ILRUN: variants seen among roughly 807,000 people sequenced by gnomAD.
The protein encoded by ILRUN is inflammation and lipid regulator with UBA-like and NBR1-like domains.
In ILRUN, 3 loss-of-function variants were observed where a neutral mutation model predicts 33.8. The observed-to-expected ratio is 0.09, with a 90% CI of 0.04 to 0.23. The LOEUF is 0.23. ILRUN is among the 10% of genes least tolerant of loss of function. The pLI, the probability that ILRUN is intolerant of heterozygous loss-of-function variation, is 1.00. For missense variants in ILRUN, 210 were observed against 375.1 expected (o/e 0.56, Z 3.64); for synonymous variants, 124 against 138.9 (o/e 0.89, Z 0.75).
chr6:34,683,431 T>TATATATATACATATATATACAC (rs1562032863), intron 1 of ILRUN, among the ~76,000 whole-genome samples: 1 of 46,418 alleles, frequency 2.2e-5, no homozygotes, highest in Non-Finnish European at 3.6e-5. Context: ...TATATATACA[T>TATATATATACATATATATACAC]ATATATATAC....
chr6:34,693,114 G>A (rs1349787378), intron 1 of ILRUN, among the ~76,000 whole-genome samples: 1 of 151,552 alleles, frequency 6.6e-6, no homozygotes, highest in African/African-American at 2.4e-5. Flanking sequence ...GATGAATTAG[G>A]TAAACATAGG....
rs965369614 is a variant in ILRUN, at chr6:34,669,147, A to G, written c.159-14368T>C. Among the ~76,000 whole-genome samples, 3 of 151,136 alleles carry G rather than the reference A, an allele frequency of 2.0e-5. No homozygotes were observed. In the East Asian group the frequency reaches 5.8e-4, roughly 29 times the overall value. On this transcript the variant is annotated intron_variant, in intron 1 of 4. Transcript: ENST00000374023. Reference sequence around the variant, plus strand: ...AGCATGAGTCTTTTGTTTTTATGAGACAGTCTCATTCTGTTGCCCAGGCTG... The same window carrying G: ...AGCATGAGTCTTTTGTTTTTATGAGGCAGTCTCATTCTGTTGCCCAGGCTG...
chr6:34,663,402 G>A (rs112430117), intron 1 of ILRUN, among the ~76,000 whole-genome samples: 4,706 of 152,246 alleles, frequency 0.031, 197 homozygotes, highest in African/African-American at 0.09. Context: ...CAGCCTGGGT[G>A]ACAGAATGAG....
Position 34,590,471 on chromosome 6 carries a change from C to A in ILRUN, c.*94G>T. 1.3e-6 allele frequency: 2 copies of A among 1,582,732 alleles called. No homozygotes were observed. Among genetic ancestry groups the A allele is most frequent in the Non-Finnish European group, 8.6e-7 (1 of 1,158,408 alleles). On this transcript the variant is annotated 3_prime_UTR_variant, in exon 5 of 5. Transcript: ENST00000374023. ...AGGGGGTCAGAGCCAGGGGTCTGTG[C>A]GATGTGGTCTGCAATCCAGAGGAAC...
intron 3 of ILRUN, among the ~76,000 whole-genome samples, chr6:34,644,251 T>C (rs1162558512): frequency 6.6e-6 from 1 of 152,182 alleles, no homozygotes; most frequent in East Asian, 1.9e-4. Context: ...TTTTAAGTCA[T>C]GTATATTGTC....
At chr6:34,648,821 GATA>G (rs1197642083) in intron 2 of ILRUN, among the ~76,000 whole-genome samples, 1 of 152,130 alleles carries the variant, frequency 6.6e-6, no homozygotes, top group East Asian at 1.9e-4. Context: ...CCTGCAACAA[GATA>G]ATGTCTGTTT....
intron 4 of ILRUN, among the ~76,000 whole-genome samples, chr6:34,599,699 T>A (rs1469393503): frequency 6.6e-6 from 1 of 152,146 alleles, no homozygotes; most frequent in African/African-American, 2.4e-5. Flanking sequence ...CAAATTTATA[T>A]CTCCACCTAG....
chr6:34,625,460 C>G (rs116522670), intron 3 of ILRUN, among the ~76,000 whole-genome samples: 202 of 152,314 alleles, frequency 1.3e-3, no homozygotes, highest in African/African-American at 4.6e-3. Flanking sequence ...TCGCCCACAT[C>G]TGATGTGCAG....
At chr6:34,598,983 T>C (rs1761455775) in intron 4 of ILRUN, among the ~76,000 whole-genome samples, 1 of 152,222 alleles carries the variant, frequency 6.6e-6, no homozygotes, top group Admixed American at 6.5e-5. Context: ...TGCTCTGTGT[T>C]GCTTCTTACC....
chr6:34,659,618 C>CTTTTTTTT (rs985939505), intron 1 of ILRUN, among the ~76,000 whole-genome samples: 1 of 91,478 alleles, frequency 1.1e-5, no homozygotes, highest in Non-Finnish European at 2.0e-5. Flanking sequence ...ATAAGGCAGT[C>CTTTTTTTT]TTTTTTTTTT....
intron 1 of ILRUN, among the ~76,000 whole-genome samples, chr6:34,671,563 A>G (rs1763118831): frequency 6.6e-6 from 1 of 152,246 alleles, no homozygotes; most frequent in African/African-American, 2.4e-5. Flanking sequence ...CAACTGGCAT[A>G]CCAAAATGTT....
rs1048571192 is a variant in ILRUN at position 34,588,304 on chromosome 6, C to T, written c.*2261G>A. On this transcript the variant is annotated 3_prime_UTR_variant, in exon 5 of 5. Coordinates refer to ENST00000374023, the MANE Select transcript of ILRUN (RefSeq NM_024294.4). ...AGAAGCAAGAGGAAGAGCAAGACGA[C>T]TCTGGCAGGCCCAGACCCACTGACG... 7 of 398,326 alleles carry T rather than the reference C, an allele frequency of 1.8e-5. No individual in the cohort carries two copies. The highest frequency in any genetic ancestry group is 6.2e-4 in the Middle Eastern group (1 of 1,610). The allele number at this position is 398,326 out of a possible 1,614,324, so 24.7% of individuals were successfully genotyped here. A position where few individuals can be genotyped will look rare whatever the true frequency, so the allele number is the denominator to read the frequency against.
At chr6:34,608,162 G>A (rs1421610975) in intron 3 of ILRUN, among the ~76,000 whole-genome samples, 1 of 152,070 alleles carries the variant, frequency 6.6e-6, no homozygotes, top group African/African-American at 2.4e-5. Context: ...GGGAGGCTGA[G>A]GCAGGAAGAT....
At chr6:34,663,127 A>T (rs1340292456) in intron 1 of ILRUN, among the ~76,000 whole-genome samples, 1 of 152,146 alleles carries the variant, frequency 6.6e-6, no homozygotes, top group East Asian at 1.9e-4. Flanking sequence ...AATGTTAAGT[A>T]CATTTCACCA....
chr6:34,693,123 G>T (rs1229472341), intron 1 of ILRUN, among the ~76,000 whole-genome samples: 1 of 151,114 alleles, frequency 6.6e-6, no homozygotes, highest in South Asian at 2.1e-4. Flanking sequence ...GGTAAACATA[G>T]GAATCAAAAA....
At chr6:34,650,231 T>G (rs1167600281) in intron 2 of ILRUN, among the ~76,000 whole-genome samples, 2 of 152,104 alleles carry the variant, frequency 1.3e-5, no homozygotes, top group African/African-American at 4.8e-5. Context: ...TTTTAAATTT[T>G]CATTTTAACT....
At chr6:34,643,910 C>A (rs1762520490) in intron 3 of ILRUN, among the ~76,000 whole-genome samples, 1 of 152,204 alleles carries the variant, frequency 6.6e-6, no homozygotes. Flanking sequence ...CTAGGTTGGC[C>A]AGGCTGGTCT....
At position 34,665,626 on chromosome 6, in the gene ILRUN, G is replaced by A. The variant is rs74927343; in HGVS notation, c.159-10847C>T. Among the ~76,000 whole-genome samples the A allele has an allele frequency of 4.3e-3, 651 of 152,030 alleles. 5 individuals are homozygous for A. The highest frequency in any genetic ancestry group is 0.015 in the African/African-American group (606 of 41,452). ...TTAATTATAATAGAGATAGGGTCTT[G>A]TTACATTTCACAGGCTGGTTTCGAA... On this transcript the variant is annotated intron_variant, in intron 1 of 4. Coordinates refer to ENST00000374023, the MANE Select transcript of ILRUN (RefSeq NM_024294.4).
chr6:34,696,522 T>A lies in ILRUN; in HGVS notation c.82A>T (p.Ile28Phe). 6.2e-7 allele frequency: 1 copy of A among 1,613,400 alleles called. No individual in the cohort carries two copies. The highest frequency in any genetic ancestry group is 8.5e-7 in the Non-Finnish European group (1 of 1,179,810). Residue 28 changes from isoleucine to phenylalanine, a missense_variant, in exon 1 of 5, where the codon ATC (isoleucine) becomes TTC (phenylalanine). Around this residue, in one of 4 missense-constraint regions of ILRUN, gnomAD observed 61 missense variants for 94.4 expected, o/e 0.65. Coordinates refer to ENST00000374023, the MANE Select transcript of ILRUN (RefSeq NM_024294.4). ...CLGTTDKDVL[I>F]SEFQRLLGFQ... Reference sequence around the variant, plus strand: ...CCGAGCAGCCTCTGGAACTCGGAGATGAGCACGTCCTTGTCGGTGGTGCCC... The same window carrying A: ...CCGAGCAGCCTCTGGAACTCGGAGAAGAGCACGTCCTTGTCGGTGGTGCCC...
Sources: gnomAD v4.1 joint callset for allele counts (sites outside exome capture counted in the v4.1 genomes callset) on GRCh38, gnomAD v4.1.1 for gene constraint, gnomAD v4.1.1 regional missense constraint, MANE v1.5 for transcripts, NCBI Gene and HGNC (gene_info 2026-07-23, HGNC 2026-07-21) for gene names.